Variants in FCRL5 observed in about 807,000 individuals in gnomAD.
The protein encoded by FCRL5 is Fc receptor like 5.
FCRL5 carries 79 observed loss-of-function variants against 92.1 expected under a neutral mutation model. That is an observed-to-expected ratio of 0.86 (90% CI 0.72 to 1.03). The LOEUF (loss-of-function observed/expected upper bound fraction) is 1.03. Among genes scored for constraint, FCRL5 ranks in the 50% least tolerant of loss-of-function variants. The probability of loss-of-function intolerance (pLI) is 0.00; values close to 1 mark genes in which losing one functional copy is unlikely to be tolerated. For synonymous variants in FCRL5, 466 were observed against 469.3 expected (o/e 0.99, Z 0.09); for missense variants, 1,160 against 1,181.1 (o/e 0.98, Z 0.26).
chr1:157,519,793 A>C (rs750656097), intron 12 of FCRL5, 23 bp from the exon 13 acceptor site: 17 of 1,613,690 alleles, frequency 1.1e-5, no homozygotes, highest in Non-Finnish European at 1.4e-5. Flanking sequence ...GCAGAGGAGC[A>C]TTGGATTCAG....
intron 13 of FCRL5, 89 bp from the exon 14 acceptor site, chr1:157,518,871 G>A: frequency 9.5e-7 from 1 of 1,052,376 alleles, no homozygotes; most frequent in South Asian, 1.7e-5. Flanking sequence ...CTTACTGCAG[G>A]GTGGCTGCCA....
At chr1:157,529,439 C>T (rs1210070122) in intron 8 of FCRL5, among the ~76,000 whole-genome samples, 1 of 152,202 alleles carries the variant, frequency 6.6e-6, no homozygotes, top group African/African-American at 2.4e-5. Flanking sequence ...AGCAATCCCA[C>T]TACTGGGTAT....
At position 157,552,431 on chromosome 1, in the gene FCRL5, T is replaced by A; in HGVS notation, c.-69A>T. 4 of 1,551,170 alleles carry A rather than the reference T, an allele frequency of 2.6e-6. No individual in the cohort carries two copies. Among genetic ancestry groups the A allele is most frequent in the Non-Finnish European group, 3.6e-6 (4 of 1,122,966 alleles). The stretch of plus-strand genomic sequence containing the variant: ...CTCAATTCCAAAACAGGTTTGGACT[T>A]GATCTTACAGTCAGGACACTGCACA... On this transcript the variant is annotated 5_prime_UTR_variant, in exon 1 of 17. Transcript: ENST00000361835.
intron 4 of FCRL5, 22 bp downstream of exon 4, chr1:157,544,809 C>T (rs771731526): frequency 6.2e-7 from 1 of 1,613,370 alleles, no homozygotes; most frequent in Non-Finnish European, 8.5e-7. Flanking sequence ...CAACTCACTT[C>T]ACAAAATAAT....
rs3811035 is a variant in FCRL5, at chr1:157,515,771, G to A, written c.2845-7C>T. On this transcript the variant is annotated splice_polypyrimidine_tract_variant and splice_region_variant and intron_variant, in intron 16 of 16. Coordinates refer to ENST00000361835, the MANE Select transcript of FCRL5 (RefSeq NM_031281.3). ...AGTAGATGATAGGGGAACCCTAGGA[G>A]GCAAGAGCACATGCGTGAGGACCAG... 1,011,031 of 1,613,542 alleles carry A rather than the reference G, an allele frequency of 0.63. 327,006 individuals are homozygous for A. The highest frequency in any genetic ancestry group is 0.69 in the Admixed American group (41,622 of 59,996).
intron 10 of FCRL5, 46 bp downstream of exon 10, chr1:157,524,233 C>G: frequency 6.2e-7 from 1 of 1,605,212 alleles, no homozygotes; most frequent in South Asian, 1.1e-5. Flanking sequence ...GGAGAACAGG[C>G]ACAGTCAGTT....
chr1:157,546,349 G>A (rs1320730474), intron 3 of FCRL5: 16 of 384,524 alleles, frequency 4.2e-5, no homozygotes, highest in African/African-American at 1.3e-4. Flanking sequence ...TAGGGATACC[G>A]AGGTGGGAGA....
chr1:157,552,334 A>G lies in FCRL5; in HGVS notation c.29T>C (p.Leu10Pro). ...CCATGGTGAGCCCTTTTACTCACCC[A>G]GGACCAGTAATATCACCCACAGCAG... MLLWVILLV[L>P]APVSGQFART... is the part of the protein sequence containing the mutation. The change falls in exon 1 of 17, where the codon CTG becomes CCG. Residue 10 changes from leucine (L) to proline (P), a missense_variant and splice_region_variant. Physicochemically the swap from Leu to Pro is moderately conservative, Grantham distance 98. Coordinates refer to ENST00000361835, the MANE Select transcript of FCRL5 (RefSeq NM_031281.3). 6.2e-7 allele frequency: 1 copy of G among 1,614,102 alleles called. No individual in the cohort carries two copies. Among genetic ancestry groups the G allele is most frequent in the Non-Finnish European group, 8.5e-7 (1 of 1,179,976 alleles).
Position 157,543,080 on chromosome 1 carries a change from C to G in FCRL5, c.902G>C (p.Gly301Ala). ...LSPEKALNFE[G>A]TKVTLHCETQ... ...TTCACAGTGAAGTGTCACCTTGGTTCCCTCAAAATTCAGAGCCTTTTCAGG... is the reference window on the plus strand; with the variant it reads ...TTCACAGTGAAGTGTCACCTTGGTTGCCTCAAAATTCAGAGCCTTTTCAGG... Residue 301 changes from glycine to alanine, a missense_variant, in exon 6 of 17, where the codon GGA becomes GCA. Physicochemically the swap from Gly to Ala is moderately conservative, Grantham distance 60. Transcript: ENST00000361835. 1.2e-6 allele frequency: 2 copies of G among 1,614,176 alleles called. No homozygotes were observed. The highest frequency in any genetic ancestry group is 8.5e-7 in the Non-Finnish European group (1 of 1,180,028).
intron 6 of FCRL5, 27 bp downstream of exon 6, chr1:157,542,832 G>A: frequency 1.3e-6 from 2 of 1,597,324 alleles, no homozygotes; most frequent in Non-Finnish European, 1.7e-6. Flanking sequence ...GCCAGGGGTG[G>A]GTGATTGGCA....
rs1651116557 is a variant in FCRL5, at chr1:157,539,094, G to C, written c.1394C>G (p.Ser465Cys). 1 of 1,613,118 alleles carries C rather than the reference G, an allele frequency of 6.2e-7. No homozygotes were observed. The highest frequency in any genetic ancestry group is 1.3e-5 in the African/African-American group (1 of 74,928). ...AGGAACCCAGGGCTTACCAGTGACG[G>C]AGAGGCTCACCGCCTTACTGCGCTG... The part of the protein sequence containing the change: ...GPQRSKAVSL[S>C]VTVPVSHPVL... Residue 465 changes from serine to cysteine, a missense_variant, in exon 7 of 17, where the codon TCC (serine) becomes TGC (cysteine). Physicochemically the swap from Ser to Cys is moderately radical, Grantham distance 112. Transcript: ENST00000361835.
intron 8 of FCRL5, among the ~76,000 whole-genome samples, chr1:157,531,029 G>T (rs1650674009): frequency 6.6e-6 from 1 of 152,076 alleles, no homozygotes; most frequent in Admixed American, 6.5e-5. Context: ...ACAATTAACA[G>T]AGTAAAAAGA....
chr1:157,531,336 T>C (rs1432717430), intron 8 of FCRL5, among the ~76,000 whole-genome samples: 1 of 152,170 alleles, frequency 6.6e-6, no homozygotes, highest in African/African-American at 2.4e-5. Flanking sequence ...GCTGGTTAAG[T>C]TGTGGAGAGG....
chr1:157,535,579 C>A (rs542222664), intron 7 of FCRL5, among the ~76,000 whole-genome samples: 1 of 152,062 alleles, frequency 6.6e-6, no homozygotes, highest in East Asian at 1.9e-4. Context: ...GTTTTTACCC[C>A]CAATAATCTA....
chr1:157,539,257 G>C lies in FCRL5; in HGVS notation c.1231C>G (p.Leu411Val). The C allele has an allele frequency of 1.2e-6, 2 of 1,614,230 alleles. No homozygotes were observed. The highest frequency in any genetic ancestry group is 1.7e-6 in the Non-Finnish European group (2 of 1,180,032). The change falls in exon 7 of 17, where the codon CTG becomes GTG. Residue 411 changes from leucine to valine, a missense_variant. By Grantham distance (32) the Leu-to-Val change is conservative. Transcript: ENST00000361835. Reference sequence around the variant, plus strand: ...GCACCCTCATGATGAAACTGGTACAGGATGGGGAGTGAACCTCTCTGGGCT... The same window carrying C: ...GCACCCTCATGATGAAACTGGTACACGATGGGGAGTGAACCTCTCTGGGCT... Reference protein sequence around the residue: ...CEAQRGSLPILYQFHHEGAAL... With the variant: ...CEAQRGSLPIVYQFHHEGAAL...
chr1:157,518,575 G>C (rs1261904677), intron 14 of FCRL5, 78 bp from the exon 15 acceptor site: 1 of 1,482,748 alleles, frequency 6.7e-7, no homozygotes, highest in Non-Finnish European at 9.4e-7. Context: ...CCCCCAGCCA[G>C]AGTCTCTTTT....
chr1:157,520,693 G>A lies in FCRL5; in HGVS notation c.2516-146C>T, dbSNP rs1343363682. ...CAGGGGCTGGTGTGGCACAGAAGAT[G>A]GCTCCTGTCTTTGTGAGGAAGCCGT... On this transcript the variant is annotated intron_variant, in intron 11 of 16. Transcript: ENST00000361835. 61 of 646,464 alleles carry A rather than the reference G, an allele frequency of 9.4e-5. No homozygotes were observed. In the East Asian group the frequency reaches 1.7e-3, roughly 18 times the overall value. The allele number at this position is 646,464 out of a possible 1,614,324, so 40.0% of individuals were successfully genotyped here. A position where few individuals can be genotyped will look rare whatever the true frequency, so the allele number is the denominator to read the frequency against.
In FCRL5 at chr1:157,518,481, T is replaced by G; in HGVS notation, c.2760A>C (p.Glu920Asp). 1 of 1,614,176 alleles carries G rather than the reference T, an allele frequency of 6.2e-7. No individual in the cohort carries two copies. Among genetic ancestry groups the G allele is most frequent in the Non-Finnish European group, 8.5e-7 (1 of 1,180,000 alleles). The change falls in exon 15 of 17, where the codon GAA (glutamate) becomes GAC (aspartate). Residue 920 changes from glutamate (E) to aspartate (D), a missense_variant. By Grantham distance (45) the Glu-to-Asp change is conservative (BLOSUM62 2). Coordinates refer to ENST00000361835, the MANE Select transcript of FCRL5 (RefSeq NM_031281.3). ...TCCGTACTTCTGAGTAAACCACATT[T>G]TCTCCTCTAGGATTTGCTTAGAAAA... The part of the protein sequence containing the change: ...PVYTNANPRG[E>D]NVVYSEVRII...
chr1:157,545,168 A>G lies in FCRL5; in HGVS notation c.308-86T>C, dbSNP rs201720406. 4.7e-5 allele frequency: 68 copies of G among 1,460,712 alleles called. No individual in the cohort carries two copies. The East Asian group carries it at 1.5e-3, about 33-fold the overall frequency. The allele number at this position is 1,460,712 out of a possible 1,614,324, so 90.5% of individuals were successfully genotyped here. ...TTTTTCCAAGTAGATTTTATTTTAA[A>G]AAAATGGGTTGGGAAAAAGAACTCT... is the stretch of plus-strand genomic sequence containing the variant. On this transcript the variant is annotated intron_variant, in intron 3 of 16. Transcript: ENST00000361835.
Sources: gnomAD v4.1 joint callset for allele counts (sites outside exome capture counted in the v4.1 genomes callset) on GRCh38, gnomAD v4.1.1 for gene constraint, MANE v1.5 for transcripts, NCBI Gene and HGNC (gene_info 2026-07-23, HGNC 2026-07-21) for gene names.